Variants in GPC5 observed in about 807,000 individuals in gnomAD.
GPC5 encodes glypican 5.
Under a neutral mutation model 53.9 loss-of-function variants are expected in GPC5, and 47 were observed. The ratio of observed to expected loss-of-function variants is 0.87; its 90% confidence interval spans 0.69 to 1.11. The LOEUF (loss-of-function observed/expected upper bound fraction) is 1.11, where lower values mean the gene tolerates loss of function less well. Ranked by LOEUF, GPC5 falls within the 50% of genes most tolerant of loss-of-function variation. The pLI, the probability that GPC5 is intolerant of heterozygous loss-of-function variation, is 0.00. For synonymous variants in GPC5, 286 were observed against 263.3 expected, an observed-to-expected ratio of 1.09 and a Z score of -0.84; for missense variants, 748 against 713.1, an observed-to-expected ratio of 1.05 and a Z score of -0.56.
chr13:92,653,038 G>A (rs1886007348), intron 7 of GPC5, among the ~76,000 whole-genome samples: 1 of 152,140 alleles, frequency 6.6e-6, no homozygotes, highest in South Asian at 2.1e-4. Flanking sequence ...ACTACAATGT[G>A]TATTTGCTGA....
chr13:92,445,687 T>C (rs1877787543), intron 7 of GPC5, among the ~76,000 whole-genome samples: 1 of 151,884 alleles, frequency 6.6e-6, no homozygotes, highest in African/African-American at 2.4e-5. Flanking sequence ...GGTGTATATG[T>C]GCCACATTTT....
chr13:92,083,093 G>A (rs114317924), intron 6 of GPC5, among the ~76,000 whole-genome samples: 79 of 152,264 alleles, frequency 5.2e-4, no homozygotes, highest in African/African-American at 1.8e-3. Flanking sequence ...TATATTTAAA[G>A]TACTGCTATA....
intron 7 of GPC5, among the ~76,000 whole-genome samples, chr13:92,750,541 A>G (rs926120377): frequency 6.6e-6 from 1 of 152,198 alleles, no homozygotes; most frequent in African/African-American, 2.4e-5. Flanking sequence ...GATTATGTGC[A>G]GCTATCAACT....
At chr13:91,923,350 C>T (rs1399891391) in intron 6 of GPC5, among the ~76,000 whole-genome samples, 1 of 152,132 alleles carries the variant, frequency 6.6e-6, no homozygotes, top group African/African-American at 2.4e-5. Context: ...ATATTTCTTG[C>T]AGTTCAGCAG....
intron 2 of GPC5, among the ~76,000 whole-genome samples, chr13:91,543,685 T>C (rs756084329): frequency 6.6e-6 from 1 of 152,228 alleles, no homozygotes; most frequent in Admixed American, 6.5e-5. Flanking sequence ...CAGTTAATCG[T>C]TCAGGTTGAA....
chr13:92,286,427 C>T (rs186917727), intron 7 of GPC5, among the ~76,000 whole-genome samples: 174 of 152,296 alleles, frequency 1.1e-3, no homozygotes, highest in Middle Eastern at 3.4e-3. Context: ...TATAAAGACA[C>T]ATGCCCATGT....
chr13:92,400,058 T>A (rs1875487412), intron 7 of GPC5, among the ~76,000 whole-genome samples: 1 of 152,184 alleles, frequency 6.6e-6, no homozygotes, highest in Non-Finnish European at 1.5e-5. Flanking sequence ...ATGCCATGGC[T>A]TGCTATTTTT....
At chr13:91,559,869 G>A (rs1029606524) in intron 2 of GPC5, among the ~76,000 whole-genome samples, 2 of 152,144 alleles carry the variant, frequency 1.3e-5, no homozygotes, top group Non-Finnish European at 2.9e-5. Context: ...AACAGGTACA[G>A]ACTATAACCC....
Position 91,522,991 on chromosome 13 carries a change from C to G in GPC5, c.325+74069C>G, listed in dbSNP as rs117631523. ...AGTAAACATACATGAGCTGCACGCT[C>G]TTTTTCAAATGACATATCATCTTTC... On this transcript the variant is annotated intron_variant, in intron 2 of 7. Coordinates refer to ENST00000377067, the MANE Select transcript of GPC5 (RefSeq NM_004466.6). 4.1e-4 allele frequency among the ~76,000 whole-genome samples: 63 copies of G among 152,206 alleles called. No individual in the cohort carries two copies. The East Asian group carries it at 0.011, about 26-fold the overall frequency.
rs139944436 is a variant in GPC5 at position 92,590,183 on chromosome 13, A to G, written c.1562-276099A>G. ...ACATAGCCCACTTCCTGCTGTAGTG[A>G]AAGTACCTCAACGCCTTTCCCTGCG... On this transcript the variant is annotated intron_variant, in intron 7 of 7. Transcript: ENST00000377067. Among the ~76,000 whole-genome samples, 6 of 152,290 alleles carry G rather than the reference A, an allele frequency of 3.9e-5. No individual in the cohort carries two copies. The East Asian group carries it at 1.2e-3, about 30-fold the overall frequency.
At chr13:91,971,727 A>G (rs1395827725) in intron 6 of GPC5, among the ~76,000 whole-genome samples, 2 of 152,226 alleles carry the variant, frequency 1.3e-5, no homozygotes, top group African/African-American at 4.8e-5. Flanking sequence ...TTATGTACCC[A>G]GTAGTCATTC....
chr13:91,964,442 T>TGTTTTGACAGAGTGCTGATTGGTGC (rs1473212797), intron 6 of GPC5, among the ~76,000 whole-genome samples: 1 of 152,054 alleles, frequency 6.6e-6, no homozygotes, highest in Non-Finnish European at 1.5e-5. Flanking sequence ...CTGATTGGTC[T>TGTTTTGACAGAGTGCTGATTGGTGC]GTTTTGACAG....
chr13:92,857,437 G>A (rs1043160221), intron 7 of GPC5, among the ~76,000 whole-genome samples: 3 of 152,144 alleles, frequency 2.0e-5, no homozygotes, highest in African/African-American at 7.2e-5. Context: ...GTCCTTAAAA[G>A]CAATTGCAGC....
intron 7 of GPC5, among the ~76,000 whole-genome samples, chr13:92,160,368 A>G (rs1474875356): frequency 1.3e-5 from 2 of 152,240 alleles, no homozygotes; most frequent in Non-Finnish European, 2.9e-5. Context: ...TCTGAAAACC[A>G]GTAAGACCTT....
At chr13:92,452,189 C>G (rs2139399651) in intron 7 of GPC5, among the ~76,000 whole-genome samples, 1 of 152,216 alleles carries the variant, frequency 6.6e-6, no homozygotes, top group South Asian at 2.1e-4. Context: ...TAGGTTGAAA[C>G]TGCAGGATTA....
chr13:92,348,166 A>G (rs1594120808), intron 7 of GPC5, among the ~76,000 whole-genome samples: 3 of 150,688 alleles, frequency 2.0e-5, no homozygotes, highest in Non-Finnish European at 4.4e-5. Flanking sequence ...TAAATTCTCC[A>G]AAAAAGAAAG....
At chr13:91,443,074 G>C (rs527855117) in intron 1 of GPC5, among the ~76,000 whole-genome samples, 6 of 152,066 alleles carry the variant, frequency 3.9e-5, no homozygotes, top group Non-Finnish European at 8.8e-5. Flanking sequence ...TATTTGATTG[G>C]TTGCAATCCA....
chr13:92,196,001 T>C (rs2042254327), intron 7 of GPC5, among the ~76,000 whole-genome samples: 1 of 152,220 alleles, frequency 6.6e-6, no homozygotes, highest in African/African-American at 2.4e-5. Flanking sequence ...CTGCCAAGAC[T>C]TTCAGGGTCT....
At chr13:91,471,659 C>T (rs756131336) in intron 2 of GPC5, among the ~76,000 whole-genome samples, 38 of 152,292 alleles carry the variant, frequency 2.5e-4, no homozygotes, top group Non-Finnish European at 5.0e-4. Context: ...ATCTTCAAAA[C>T]TGTCTCAACA....
Sources: allele counts gnomAD v4.1 joint callset (sites outside exome capture counted in the v4.1 genomes callset), GRCh38; gene constraint gnomAD v4.1.1; transcripts MANE v1.5; gene names NCBI Gene and HGNC (gene_info 2026-07-23, HGNC 2026-07-21).